The following RUVBL1 variants were observed in gnomAD, a reference collection of about 807,000 sequenced individuals.
RUVBL1 encodes the protein RuvB like AAA ATPase 1.
In RUVBL1, 4 loss-of-function variants were observed where a neutral mutation model predicts 52.4. That is an observed-to-expected ratio of 0.08 (90% CI 0.04 to 0.17). The LOEUF is 0.17. Ranked by LOEUF, RUVBL1 falls within the 10% of genes least tolerant of loss-of-function variation. The pLI, the probability that RUVBL1 is intolerant of heterozygous loss-of-function variation, is 1.00. For synonymous variants in RUVBL1, 217 were observed against 214.4 expected, an observed-to-expected ratio of 1.01 and a Z score of -0.10; for missense variants, 298 against 572.8, an observed-to-expected ratio of 0.52 and a Z score of 4.90.
chr3:128,153,439 C>A (rs1559843911), exon 1 of RUVBL1: 10 of 1,428,586 alleles, frequency 7.0e-6, no homozygotes, highest in Non-Finnish European at 9.1e-6. Context: ...ACTTAACGGG[C>A]CGGACCGCGG....
upstream of RUVBL1, among the ~76,000 whole-genome samples, chr3:128,124,340 G>A (rs1264881575): frequency 6.6e-6 from 1 of 151,324 alleles, no homozygotes; most frequent in Non-Finnish European, 1.5e-5. Context: ...GAGTTCAGTT[G>A]ACTGTAAATA....
rs751481181 is a variant in RUVBL1 at position 128,097,326 on chromosome 3, T to C, written c.990A>G (p.Ala330=). The C allele has an allele frequency of 1.2e-5, 19 of 1,614,072 alleles. No homozygotes were observed. Among genetic ancestry groups the C allele is most frequent in the Non-Finnish European group, 1.6e-5 (19 of 1,180,038 alleles). Residue 330 remains alanine, a synonymous_variant, in exon 8 of 11, where the codon GCA becomes GCG. Coordinates refer to ENST00000322623, the MANE Select transcript of RUVBL1 (RefSeq NM_003707.3). The stretch of plus-strand genomic sequence containing the variant: ...TGATGACACAGTTGCCTCGGTTGGA[T>C]GCAAAGATGACGATGGGAGCGATAG... The part of the protein sequence containing the change: ...ESSIAPIVIF[A]SNRGNCVIRG...
At chr3:128,115,904 TTG>T in intron 2 of RUVBL1, among the ~76,000 whole-genome samples, 2 of 151,654 alleles carry the variant, frequency 1.3e-5, no homozygotes, top group East Asian at 3.9e-4. Context: ...GGCAGGTGGA[TTG>T]CTTGAGCCCA....
Position 128,067,690 on chromosome 3 carries a change from T to C in RUVBL1, c.940-2470A>G. On this transcript the variant is annotated intron_variant, in intron 9 of 9. Transcript: ENST00000464873. The surrounding 1 kb of genome is among the most constrained non-coding windows in gnomAD (Gnocchi z 4.1). Reference sequence around the variant, plus strand: ...GGGGTGTGGACTTGTCACCTCATCATAAATAATGGTCTGTGACGTGTGCAG... The same window carrying C: ...GGGGTGTGGACTTGTCACCTCATCACAAATAATGGTCTGTGACGTGTGCAG... 3 of 1,163,282 alleles carry C rather than the reference T, an allele frequency of 2.6e-6. No homozygotes were observed. Among genetic ancestry groups the C allele is most frequent in the Non-Finnish European group, 3.7e-6 (3 of 807,960 alleles). The allele number at this position is 1,163,282 out of a possible 1,614,324, so 72.1% of individuals were successfully genotyped here.
intron 1 of RUVBL1, among the ~76,000 whole-genome samples, chr3:128,143,554 T>C (rs1944062576): frequency 6.6e-6 from 1 of 152,212 alleles, no homozygotes; most frequent in Admixed American, 6.5e-5. Flanking sequence ...GTGAACATCT[T>C]TGTGGGGGCC....
chr3:128,152,828 A>ACCTG (rs908690852), intron 1 of RUVBL1, among the ~76,000 whole-genome samples: 4 of 146,694 alleles, frequency 2.7e-5, no homozygotes, highest in African/African-American at 1.0e-4. Flanking sequence ...GCGAAAGGGC[A>ACCTG]CCTGAGAGGG....
At chr3:128,150,771 T>TTATATATTCTA (rs1170998113) in intron 1 of RUVBL1, among the ~76,000 whole-genome samples, 29 of 110,518 alleles carry the variant, frequency 2.6e-4, no homozygotes, top group Non-Finnish European at 4.5e-4. Flanking sequence ...ATTCTATATA[T>TTATATATTCTA]TATATATTCT....
In RUVBL1 at chr3:128,067,974, A is replaced by G; in HGVS notation, c.940-2754T>C. On this transcript the variant is annotated intron_variant, in intron 9 of 9. Transcript: ENST00000464873. The surrounding 1 kb of genome is among the most constrained non-coding windows in gnomAD (Gnocchi z 4.1). ...CAATTCCAACTTCTCCCCTGTGGGC[A>G]CCCTGCAGGTTGCAAAGCAGCTGAA... is the stretch of plus-strand genomic sequence containing the variant. 1 of 1,613,080 alleles carries G rather than the reference A, an allele frequency of 6.2e-7. No homozygotes were observed. The highest frequency in any genetic ancestry group is 8.5e-7 in the Non-Finnish European group (1 of 1,179,282).
downstream of RUVBL1, among the ~76,000 whole-genome samples, chr3:128,079,385 T>G (rs139513069): frequency 2.2e-4 from 33 of 152,352 alleles, no homozygotes; most frequent in African/African-American, 7.0e-4. Flanking sequence ...TCTCACTAGC[T>G]GGCCAAGGGA....
chr3:128,070,997 G>A (rs190076308), intron 9 of RUVBL1: 1 of 152,512 alleles, frequency 6.6e-6, no homozygotes, highest in East Asian at 1.9e-4. Flanking sequence ...TTTGCAGGAT[G>A]CCCTGATCCT....
At position 128,082,352 on chromosome 3, in the gene RUVBL1, T is replaced by C; in HGVS notation, c.1211+131A>G. On this transcript the variant is annotated intron_variant, in intron 10 of 10. Transcript: ENST00000322623. This position sits in a 1 kb window ranked among gnomAD's most constrained non-coding sequence, Gnocchi z 4.7. The stretch of plus-strand genomic sequence containing the variant: ...TGAAACTCAAGTGCCCTGGCACCCA[T>C]CGCGCCAGGAAGAGCGGATGGATAG... 1.0e-5 allele frequency: 7 copies of C among 676,702 alleles called. No individual in the cohort carries two copies. The highest frequency in any genetic ancestry group is 1.8e-5 in the African/African-American group (1 of 55,656). The allele number at this position is 676,702 out of a possible 1,614,324, so 41.9% of individuals were successfully genotyped here. A position where few individuals can be genotyped will look rare whatever the true frequency, so the allele number is the denominator to read the frequency against.
exon 1 of RUVBL1, chr3:128,153,432 T>TAA: frequency 7.0e-7 from 1 of 1,421,318 alleles, no homozygotes; most frequent in African/African-American, 1.5e-5. Flanking sequence ...GGGGGCAACT[T>TAA]AACGGGCCGG....
At chr3:128,065,019 A>T in exon 10 of RUVBL1, 1 of 1,614,248 alleles carries the variant, frequency 6.2e-7, no homozygotes, top group Non-Finnish European at 8.5e-7. Flanking sequence ...TTGTCTTTGC[A>T]GTGGTCATCT....
intron 1 of RUVBL1, among the ~76,000 whole-genome samples, chr3:128,151,404 T>C (rs374216455): frequency 6.6e-6 from 1 of 151,570 alleles, no homozygotes; most frequent in African/African-American, 2.4e-5. Flanking sequence ...GGATTCTGTT[T>C]AAAACAGAGG....
exon 1 of RUVBL1, chr3:128,153,718 T>A: frequency 6.3e-7 from 1 of 1,581,044 alleles, no homozygotes; most frequent in Non-Finnish European, 8.5e-7. Context: ...TTTGCCCGAG[T>A]TCCAGGCAGC....
At chr3:128,095,754 T>C (rs1054240541) in intron 8 of RUVBL1, among the ~76,000 whole-genome samples, 1 of 152,116 alleles carries the variant, frequency 6.6e-6, no homozygotes, top group Non-Finnish European at 1.5e-5. Context: ...TGTTTTTTTT[T>C]AATTATTTTT....
intron 1 of RUVBL1, among the ~76,000 whole-genome samples, chr3:128,150,833 T>TA (rs1944182668): frequency 1.1e-5 from 1 of 92,782 alleles, no homozygotes; most frequent in African/African-American, 4.4e-5. Flanking sequence ...CTATATATTA[T>TA]ATATTCTATA....
intron 1 of RUVBL1, among the ~76,000 whole-genome samples, chr3:128,131,533 CA>C (rs71153123): frequency 0.16 from 23,527 of 150,530 alleles, 2,203 homozygotes; most frequent in African/African-American, 0.26. Context: ...ACAACAACAA[CA>C]AAAAAAAACA....
At position 128,115,153 on chromosome 3, in the gene RUVBL1, T is replaced by A. The variant is rs111362361; in HGVS notation, c.229-2133A>T. ...CTCCCCAACTAGCCTATGACCTTGA[T>A]CATCTAGTTTGTATTTTATAGATTA... On this transcript the variant is annotated intron_variant, in intron 2 of 10. Transcript: ENST00000322623. Among the ~76,000 whole-genome samples the A allele has an allele frequency of 9.2e-4, 140 of 152,286 alleles. 1 individual carries two copies. Among genetic ancestry groups the A allele is most frequent in the African/African-American group, 3.1e-3 (130 of 41,556 alleles).
Sources: gnomAD v4.1 joint callset for allele counts (sites outside exome capture counted in the v4.1 genomes callset) on GRCh38, gnomAD v4.1.1 for gene constraint, Gnocchi (gnomAD v3.1) non-coding constraint, MANE v1.5 for transcripts, NCBI Gene and HGNC (gene_info 2026-07-23, HGNC 2026-07-21) for gene names.